TCF4: variants seen among roughly 807,000 people sequenced by gnomAD.
TCF4 encodes the protein transcription factor 4, also known as SL3-3 enhancer factor 2.
Under a neutral mutation model 82.1 loss-of-function variants are expected in TCF4, and 3 were observed. The observed-to-expected ratio is 0.04, with a 90% CI of 0.02 to 0.09. The LOEUF is 0.09. Among genes scored for constraint, TCF4 ranks in the 10% least tolerant of loss-of-function variants. TCF4 has a pLI of 1.00. For missense variants in TCF4, 518 were observed against 852.7 expected, an observed-to-expected ratio of 0.61 and a Z score of 4.89; for synonymous variants, 276 against 309.6, an observed-to-expected ratio of 0.89 and a Z score of 1.14.
chr18:55,352,132 T>A (rs1603292750), intron 6 of TCF4: 1 of 160,454 alleles, frequency 6.2e-6, no homozygotes, highest in South Asian at 2.0e-4. Flanking sequence ...ATTATGACTC[T>A]GCCCCTGTTC....
At chr18:55,233,215 G>T (rs1234025375) in intron 16 of TCF4, among the ~76,000 whole-genome samples, 2 of 152,166 alleles carry the variant, frequency 1.3e-5, no homozygotes, top group Non-Finnish European at 2.9e-5. Context: ...GAAATTTCTA[G>T]CTTTATCATT....
chr18:55,273,486 T>C (rs369216505), intron 10 of TCF4, among the ~76,000 whole-genome samples: 10 of 152,158 alleles, frequency 6.6e-5, no homozygotes, highest in African/African-American at 1.9e-4. Flanking sequence ...ATTCAAAGTA[T>C]TGTCAGTGTC....
chr18:55,274,243 G>T (rs1215318659), intron 10 of TCF4, among the ~76,000 whole-genome samples: 1 of 152,102 alleles, frequency 6.6e-6, no homozygotes, highest in African/African-American at 2.4e-5. Context: ...TCTCCAAATA[G>T]GAGGTGGGAA....
At chr18:55,321,361 T>TAA in intron 8 of TCF4, 4 of 382,756 alleles carry the variant, frequency 1.0e-5, no homozygotes, top group Non-Finnish European at 1.9e-5. Context: ...CCAAAACTCT[T>TAA]TAAAAAAAAA....
intron 8 of TCF4, among the ~76,000 whole-genome samples, chr18:55,311,155 A>T (rs992291866): frequency 2.6e-5 from 4 of 152,212 alleles, no homozygotes; most frequent in African/African-American, 9.6e-5. Context: ...CAAAAGAAAA[A>T]AGGAAAGAAA....
intron 2 of TCF4, among the ~76,000 whole-genome samples, chr18:55,622,287 T>C (rs1054029552): frequency 6.6e-6 from 1 of 150,684 alleles, no homozygotes; most frequent in African/African-American, 2.4e-5. Context: ...GGTGGGCAGA[T>C]CACGAGGTCA....
At chr18:55,576,344 C>T (rs1156923199) in intron 3 of TCF4, among the ~76,000 whole-genome samples, 2 of 152,104 alleles carry the variant, frequency 1.3e-5, no homozygotes, top group East Asian at 1.9e-4. Flanking sequence ...ATTTCCATCC[C>T]GACACTACCA....
At chr18:55,621,660 T>TTATATATAATATA in intron 2 of TCF4, among the ~76,000 whole-genome samples, 1 of 49,204 alleles carries the variant, frequency 2.0e-5, no homozygotes, top group Non-Finnish European at 3.8e-5. Context: ...TTATATAATA[T>TTATATATAATATA]ACATTATATA....
intron 2 of TCF4, among the ~76,000 whole-genome samples, chr18:55,622,457 A>G (rs1398785423): frequency 1.3e-5 from 2 of 150,732 alleles, no homozygotes; most frequent in Non-Finnish European, 3.0e-5. Context: ...GTGAGCCGAG[A>G]TCACATCACT....
chr18:55,484,015 T>G (rs986197427), intron 3 of TCF4, among the ~76,000 whole-genome samples: 6 of 152,336 alleles, frequency 3.9e-5, no homozygotes, highest in Non-Finnish European at 7.4e-5. Flanking sequence ...AAGTCAGGGC[T>G]TGGTCCAAGT....
At chr18:55,256,192 A>G (rs2056784327) in intron 14 of TCF4, among the ~76,000 whole-genome samples, 1 of 152,162 alleles carries the variant, frequency 6.6e-6, no homozygotes, top group Non-Finnish European at 1.5e-5. Context: ...TAGAGACAGC[A>G]GTTTCTGCTT....
chr18:55,426,158 A>G (rs2094974535), intron 5 of TCF4, among the ~76,000 whole-genome samples: 1 of 149,802 alleles, frequency 6.7e-6, no homozygotes, highest in Admixed American at 6.6e-5. Context: ...CGTGTCTTTT[A>G]TTGGTAGGCT....
chr18:55,571,462 C>T (rs1000579777), intron 3 of TCF4, among the ~76,000 whole-genome samples: 2 of 152,262 alleles, frequency 1.3e-5, no homozygotes, highest in Admixed American at 1.3e-4. Flanking sequence ...ACCCACAGGC[C>T]GGCCAATGGA....
intron 3 of TCF4, among the ~76,000 whole-genome samples, chr18:55,494,046 A>T (rs1166679202): frequency 3.9e-5 from 6 of 152,032 alleles, no homozygotes; most frequent in Admixed American, 3.9e-4. Context: ...ATTACTTTGC[A>T]TATACTCCCC....
At chr18:55,572,779 C>T (rs1218758963) in intron 3 of TCF4, among the ~76,000 whole-genome samples, 1 of 152,164 alleles carries the variant, frequency 6.6e-6, no homozygotes, top group Admixed American at 6.5e-5. Flanking sequence ...CAGGGCTAGG[C>T]TCGGTGGCTC....
intron 5 of TCF4, chr18:55,422,607 T>A: frequency 2.6e-6 from 1 of 391,074 alleles, no homozygotes; most frequent in Non-Finnish European, 3.5e-6. Context: ...AATTTGCATC[T>A]GGTGCTTTTA....
intron 5 of TCF4, among the ~76,000 whole-genome samples, chr18:55,412,174 G>A (rs902496475): frequency 5.3e-5 from 8 of 152,112 alleles, no homozygotes; most frequent in Non-Finnish European, 7.4e-5. Flanking sequence ...TAACATGGTA[G>A]ATAACAAAAA....
rs1450776826 is a variant in TCF4, at chr18:55,434,459, G to C, written c.304+26560C>G. Reference sequence around the variant, plus strand: ...TTTTGAGATGGAGTCTCGCTGTGTTGCCGAGGCTAGAGTGCAGTGGCGCGA... The same window carrying C: ...TTTTGAGATGGAGTCTCGCTGTGTTCCCGAGGCTAGAGTGCAGTGGCGCGA... On this transcript the variant is annotated intron_variant, in intron 5 of 19. Coordinates refer to ENST00000354452, the MANE Select transcript of TCF4 (RefSeq NM_001083962.2). Among the ~76,000 whole-genome samples the C allele has an allele frequency of 9.1e-5, 11 of 121,088 alleles. No individual in the cohort carries two copies. In the Admixed American group the frequency reaches 1.2e-3, roughly 13 times the overall value. 79.4% of individuals were successfully genotyped at this position (121,088 alleles called of 152,430 possible).
chr18:55,468,608 A>G (rs1461506214), intron 3 of TCF4, among the ~76,000 whole-genome samples: 2 of 152,194 alleles, frequency 1.3e-5, no homozygotes, highest in African/African-American at 2.4e-5. Context: ...ATCATACCCA[A>G]CTGTGATGTA....
Sources: gnomAD v4.1 joint callset for allele counts (sites outside exome capture counted in the v4.1 genomes callset) on GRCh38, gnomAD v4.1.1 for gene constraint, MANE v1.5 for transcripts, NCBI Gene and HGNC (gene_info 2026-07-23, HGNC 2026-07-21) for gene names.